The following CBFA2T3 variants were observed in gnomAD, a reference collection of about 807,000 sequenced individuals.
CBFA2T3 encodes CBFA2/RUNX1 partner transcriptional co-repressor 3.
CBFA2T3 carries 31 observed loss-of-function variants against 58.6 expected under a neutral mutation model. That is an observed-to-expected ratio of 0.53 (90% CI 0.40 to 0.71). The LOEUF (loss-of-function observed/expected upper bound fraction) is 0.71, where lower values mean the gene tolerates loss of function less well. CBFA2T3 is among the 30% of genes least tolerant of loss of function. The pLI, the probability that CBFA2T3 is intolerant of heterozygous loss-of-function variation, is 0.00. For synonymous variants in CBFA2T3, 531 were observed against 421.9 expected (o/e 1.26, Z -3.17); for missense variants, 1,076 against 963.1 (o/e 1.12, Z -1.55).
chr16:88,926,406 A>G (rs1971086639), intron 1 of CBFA2T3, among the ~76,000 whole-genome samples: 1 of 152,188 alleles, frequency 6.6e-6, no homozygotes, highest in African/African-American at 2.4e-5. Context: ...CGTCTGTCCC[A>G]GCCTCGTCTC....
At chr16:88,951,302 G>C (rs758198356) in intron 1 of CBFA2T3, 4 of 457,104 alleles carry the variant, frequency 8.8e-6, no homozygotes, top group African/African-American at 8.0e-5. Context: ...CCAGCACAGA[G>C]GGTCGAGTGT....
At chr16:88,902,666 C>T (rs931809403) in intron 1 of CBFA2T3, among the ~76,000 whole-genome samples, 4 of 152,162 alleles carry the variant, frequency 2.6e-5, no homozygotes, top group African/African-American at 7.2e-5. Context: ...GCAGGGGGTG[C>T]GGGTGTAAGC....
rs1038768587 is a variant in CBFA2T3, at chr16:88,941,157, C to G, written c.151+35500G>C. 248 of 982,768 alleles carry G rather than the reference C, an allele frequency of 2.5e-4. No individual in the cohort carries two copies. The African/African-American group carries it at 4.1e-3, about 16-fold the overall frequency. 60.9% of individuals were successfully genotyped at this position (982,768 alleles called of 1,614,324 possible). ...TGCGCGCTGTCTTCTGGCGCCGCAC[C>G]GGGCTCAGGCGCGCGGCGGGGCTGG... On this transcript the variant is annotated intron_variant, in intron 1 of 11. Transcript: ENST00000268679.
chr16:88,974,384 CAG>C lies in CBFA2T3; in HGVS notation c.151+2271_151+2272del, dbSNP rs553787821. On this transcript the variant is annotated intron_variant, in intron 1 of 11. Coordinates refer to ENST00000268679, the MANE Select transcript of CBFA2T3 (RefSeq NM_005187.6). ...GCGTGAGGGGGCTGGTGAAGGAGCCCAGGGAAGGGGTCCCGGCCCCCAGACGG... is the reference window on the plus strand; with the variant it reads ...GCGTGAGGGGGCTGGTGAAGGAGCCCGGAAGGGGTCCCGGCCCCCAGACGG... 4.7e-3 allele frequency among the ~76,000 whole-genome samples: 721 copies of C among 152,166 alleles called. 6 individuals carry two copies. Among genetic ancestry groups the C allele is most frequent in the African/African-American group, 0.017 (695 of 41,492 alleles).
chr16:88,888,050 G>T (rs1159233648), intron 5 of CBFA2T3, among the ~76,000 whole-genome samples: 1 of 152,090 alleles, frequency 6.6e-6, no homozygotes, highest in Non-Finnish European at 1.5e-5. Flanking sequence ...GCAAACTAGC[G>T]CTGTGGAGCC....
At chr16:88,931,594 AG>A (rs1488284208) in intron 1 of CBFA2T3, among the ~76,000 whole-genome samples, 1 of 149,556 alleles carries the variant, frequency 6.7e-6, no homozygotes, top group African/African-American at 2.5e-5. Context: ...GATGAGCCAG[AG>A]GTGGAGAAGG....
chr16:88,910,371 T>C (rs1039119595), intron 1 of CBFA2T3, among the ~76,000 whole-genome samples: 4 of 152,306 alleles, frequency 2.6e-5, no homozygotes, highest in African/African-American at 9.6e-5. Context: ...TTCTCTTCTC[T>C]TGTGGATGCT....
chr16:88,945,092 G>T (rs1384735760), intron 1 of CBFA2T3, among the ~76,000 whole-genome samples: 1 of 152,208 alleles, frequency 6.6e-6, no homozygotes, highest in Non-Finnish European at 1.5e-5. Context: ...TAGCTGCCAA[G>T]AATAGAAAGT....
chr16:88,927,237 C>T (rs767500802), intron 1 of CBFA2T3, among the ~76,000 whole-genome samples: 4 of 152,200 alleles, frequency 2.6e-5, no homozygotes, highest in Non-Finnish European at 4.4e-5. Flanking sequence ...GAGATGTCAG[C>T]GTCAAGGCCA....
At position 88,953,456 on chromosome 16, in the gene CBFA2T3, C is replaced by T. The variant is rs112342566; in HGVS notation, c.151+23201G>A. Among the ~76,000 whole-genome samples the T allele has an allele frequency of 8.7e-3, 1,330 of 152,306 alleles. 28 individuals are homozygous for T. The highest frequency in any genetic ancestry group is 0.03 in the African/African-American group (1,267 of 41,548). ...AGCATAGCCCTCAAAACGGTTCCCA[C>T]AGCTCCCAGCGGAGCCCTCAAAATG... is the stretch of plus-strand genomic sequence containing the variant. On this transcript the variant is annotated intron_variant, in intron 1 of 11. Coordinates refer to ENST00000268679, the MANE Select transcript of CBFA2T3 (RefSeq NM_005187.6). This position sits in a 1 kb window ranked among gnomAD's most constrained non-coding sequence, Gnocchi z 4.9.
At chr16:88,899,689 G>C (rs1394776985) in intron 2 of CBFA2T3, among the ~76,000 whole-genome samples, 1 of 152,202 alleles carries the variant, frequency 6.6e-6, no homozygotes, top group East Asian at 1.9e-4. Context: ...AAGAGCAGGT[G>C]GGGGAGACGC....
chr16:88,963,359 G>GC (rs1440914985), intron 1 of CBFA2T3, among the ~76,000 whole-genome samples: 1 of 141,098 alleles, frequency 7.1e-6, no homozygotes, highest in East Asian at 2.0e-4. Context: ...TTTTAAGAAT[G>GC]TTAAGATCTT....
At chr16:88,950,394 A>T (rs71395349) in intron 1 of CBFA2T3, 26 of 361,644 alleles carry the variant, frequency 7.2e-5, no homozygotes, top group African/African-American at 6.4e-4. Flanking sequence ...CTTCCGGGTC[A>T]GTTCACCCGT....
rs1410117491 is a variant in CBFA2T3 at position 88,877,043 on chromosome 16, C to T, written c.1895G>A (p.Gly632Asp). 1 of 1,512,526 alleles carries T rather than the reference C, an allele frequency of 6.6e-7. No homozygotes were observed. 93.7% of individuals were successfully genotyped at this position (1,512,526 alleles called of 1,614,324 possible). The change falls in exon 12 of 12, where the codon GGC (glycine) becomes GAC (aspartate). Residue 632 changes from glycine (G) to aspartate (D), a missense_variant. By Grantham distance (94) the Gly-to-Asp change is moderately conservative (BLOSUM62 -1). Transcript: ENST00000268679. ...GCCGGGGCGAGAAGGCCCCGCAGAG[C>T]CGGCTTCGCTGGGGCTGGCAGCACC... is the stretch of plus-strand genomic sequence containing the variant. ...PVGAASPSEA[G>D]SAGPSRPGSP...
intron 1 of CBFA2T3, among the ~76,000 whole-genome samples, chr16:88,947,460 T>A (rs1238999808): frequency 6.6e-6 from 1 of 152,230 alleles, no homozygotes; most frequent in Non-Finnish European, 1.5e-5. Context: ...GTCTTTTGAT[T>A]CCCCTATCGT....
chr16:88,934,829 T>C (rs1971443700), intron 1 of CBFA2T3, among the ~76,000 whole-genome samples: 1 of 152,092 alleles, frequency 6.6e-6, no homozygotes, highest in African/African-American at 2.4e-5. Flanking sequence ...AAGCTCTGCC[T>C]CCCGGGTTCA....
chr16:88,913,176 G>T (rs949437401), intron 1 of CBFA2T3, among the ~76,000 whole-genome samples: 1 of 152,248 alleles, frequency 6.6e-6, no homozygotes, highest in Non-Finnish European at 1.5e-5. Context: ...CCTGAGCCTG[G>T]ACGTCAGCGG....
At position 88,916,487 on chromosome 16, in the gene CBFA2T3, T is replaced by C. The variant is rs542744383; in HGVS notation, c.152-14831A>G. ...GTATGTGTGCGTGTGTATTCCTGTG[T>C]GTATTCGTGGGGTGGGTGTTGCGTG... On this transcript the variant is annotated intron_variant, in intron 1 of 11. Coordinates refer to ENST00000268679, the MANE Select transcript of CBFA2T3 (RefSeq NM_005187.6). Among the ~76,000 whole-genome samples the C allele has an allele frequency of 3.6e-3, 551 of 152,236 alleles. 1 individual carries two copies. Among genetic ancestry groups the C allele is most frequent in the African/African-American group, 0.013 (529 of 41,526 alleles).
At chr16:88,882,275 T>C (rs1229396478) in intron 8 of CBFA2T3, among the ~76,000 whole-genome samples, 1 of 152,224 alleles carries the variant, frequency 6.6e-6, no homozygotes, top group Non-Finnish European at 1.5e-5. Flanking sequence ...GCCGTGTTTA[T>C]GCATAGGCAT....
Sources: allele counts gnomAD v4.1 joint callset (sites outside exome capture counted in the v4.1 genomes callset), GRCh38; gene constraint gnomAD v4.1.1; non-coding constraint Gnocchi (gnomAD v3.1); transcripts MANE v1.5; gene names NCBI Gene and HGNC (gene_info 2026-07-23, HGNC 2026-07-21).